ATF7IP2: variants seen among roughly 807,000 people sequenced by gnomAD.
The protein encoded by ATF7IP2 is activating transcription factor 7-interacting protein 2.
In ATF7IP2, 42 loss-of-function variants were observed where a neutral mutation model predicts 64.2. The observed-to-expected ratio is 0.65, with a 90% CI of 0.51 to 0.85. The LOEUF is 0.85. Ranked by LOEUF, ATF7IP2 falls within the 40% of genes least tolerant of loss-of-function variation. The pLI is 0.00. For missense variants in ATF7IP2, 933 were observed against 784.2 expected (o/e 1.19, Z -2.27); for synonymous variants, 308 against 272.8 (o/e 1.13, Z -1.27).
intron 7 of ATF7IP2, among the ~76,000 whole-genome samples, 184 bp downstream of exon 7, chr16:10,438,419 G>GTT (rs374050720): frequency 7.5e-4 from 102 of 135,648 alleles, no homozygotes; most frequent in Admixed American, 4.3e-3. Flanking sequence ...TAATTTTTGG[G>GTT]TTTTTTTTTT....
rs149926722 is a variant in ATF7IP2 at position 10,428,109 on chromosome 16, T to A, written c.-159-759T>A. On this transcript the variant is annotated intron_variant, in intron 3 of 13. Transcript: ENST00000562102. ...ATTTATGATGAAACTGTAGAAAAAG[T>A]AATAGAATTATAAACTAAGTTTAGG... 2.4e-3 allele frequency among the ~76,000 whole-genome samples: 373 copies of A among 152,304 alleles called. 3 individuals are homozygous for A. The highest frequency in any genetic ancestry group is 3.4e-3 in the Middle Eastern group (1 of 294).
chr16:10,392,495 A>C (rs28505938), intron 1 of ATF7IP2, among the ~76,000 whole-genome samples: 75,230 of 151,676 alleles, frequency 0.5, 19,303 homozygotes, highest in East Asian at 0.56. Flanking sequence ...CTTTACCACT[A>C]AGTTAACCCC....
intron 9 of ATF7IP2, among the ~76,000 whole-genome samples, chr16:10,467,383 A>G (rs926024544): frequency 5.3e-5 from 8 of 152,182 alleles, no homozygotes; most frequent in Non-Finnish European, 1.2e-4. Flanking sequence ...AGGATTTTGA[A>G]ATTGATAAAG....
chr16:10,387,008 G>A (rs2047216259), intron 1 of ATF7IP2: 2 of 152,134 alleles, frequency 1.3e-5, no homozygotes, highest in Admixed American at 1.3e-4. Flanking sequence ...CTTGCATATG[G>A]TTAATATGTA....
intron 12 of ATF7IP2, among the ~76,000 whole-genome samples, chr16:10,479,345 G>T (rs574713698): frequency 3.5e-4 from 53 of 151,996 alleles, no homozygotes; most frequent in Middle Eastern, 3.4e-3. Flanking sequence ...GTTCATGTCC[G>T]TTGTAGGGAC....
intron 12 of ATF7IP2, among the ~76,000 whole-genome samples, chr16:10,475,182 A>G (rs72779785): frequency 0.036 from 5,439 of 152,320 alleles, 132 homozygotes; most frequent in Non-Finnish European, 0.053. Flanking sequence ...TGTAGAATGT[A>G]TATAGAAGTC....
At chr16:10,394,749 C>T (rs1488566869) in intron 1 of ATF7IP2, among the ~76,000 whole-genome samples, 1 of 151,992 alleles carries the variant, frequency 6.6e-6, no homozygotes, top group Non-Finnish European at 1.5e-5. Context: ...AATTAACACT[C>T]CTAAATAATG....
chr16:10,408,414 A>G (rs1169467261), intron 1 of ATF7IP2, among the ~76,000 whole-genome samples: 2 of 152,202 alleles, frequency 1.3e-5, no homozygotes, highest in Non-Finnish European at 2.9e-5. Context: ...AGGAGTCGCC[A>G]CACTGTTTTC....
At chr16:10,392,136 C>G (rs1311893494) in intron 1 of ATF7IP2, among the ~76,000 whole-genome samples, 2 of 149,382 alleles carry the variant, frequency 1.3e-5, no homozygotes, top group Non-Finnish European at 3.0e-5. Flanking sequence ...TCACTGCAAC[C>G]CCCACCCCCC....
intron 9 of ATF7IP2, among the ~76,000 whole-genome samples, chr16:10,470,692 G>C (rs2049762003): frequency 6.6e-6 from 1 of 151,970 alleles, no homozygotes; most frequent in Non-Finnish European, 1.5e-5. Flanking sequence ...GCCGAGATGA[G>C]AGGATCTTTT....
At chr16:10,424,102 C>T (rs1157751158) in intron 3 of ATF7IP2, among the ~76,000 whole-genome samples, 1 of 152,244 alleles carries the variant, frequency 6.6e-6, no homozygotes, top group Non-Finnish European at 1.5e-5. Context: ...TTATCTGCAG[C>T]AGGAACATGT....
chr16:10,409,589 G>C (rs1369574584), intron 1 of ATF7IP2, among the ~76,000 whole-genome samples: 3 of 151,852 alleles, frequency 2.0e-5, no homozygotes, highest in Non-Finnish European at 4.4e-5. Flanking sequence ...ACCACGCCCA[G>C]CTAATTTTTT....
chr16:10,413,589 TTTTG>T (rs768630765), intron 1 of ATF7IP2, among the ~76,000 whole-genome samples: 66 of 152,306 alleles, frequency 4.3e-4, no homozygotes, highest in African/African-American at 1.4e-3. Flanking sequence ...TACCTTGGTT[TTTTG>T]TTTGTTTGTT....
intron 9 of ATF7IP2, among the ~76,000 whole-genome samples, chr16:10,460,826 A>C (rs1289145667): frequency 6.6e-6 from 1 of 152,202 alleles, no homozygotes; most frequent in African/African-American, 2.4e-5. Context: ...CCATAAAAGA[A>C]AAATTGATTA....
At chr16:10,417,427 G>T (rs1207692112) in intron 2 of ATF7IP2, among the ~76,000 whole-genome samples, 1 of 152,154 alleles carries the variant, frequency 6.6e-6, no homozygotes, top group Non-Finnish European at 1.5e-5. Context: ...AGCAGGAGCA[G>T]CTAGACATAT....
intron 4 of ATF7IP2, among the ~76,000 whole-genome samples, chr16:10,429,320 T>G (rs944232284): frequency 6.6e-6 from 1 of 152,172 alleles, no homozygotes; most frequent in Non-Finnish European, 1.5e-5. Context: ...TTGTGCTGTT[T>G]TTTGGATTTA....
Position 10,438,095 on chromosome 16 carries a change from T to A in ATF7IP2, c.961-6T>A, listed in dbSNP as rs2048482504. 1 of 1,534,352 alleles carries A rather than the reference T, an allele frequency of 6.5e-7. No individual in the cohort carries two copies. The highest frequency in any genetic ancestry group is 8.7e-7 in the Non-Finnish European group (1 of 1,147,274). On this transcript the variant is annotated splice_region_variant and splice_polypyrimidine_tract_variant and intron_variant, in intron 6 of 13. Transcript: ENST00000562102. Reference sequence around the variant, plus strand: ...GGGTGTTTTGGTTTTTATTTTAAAATTCTAGGTCAGACATTTGATTCAGCA... The same window carrying A: ...GGGTGTTTTGGTTTTTATTTTAAAAATCTAGGTCAGACATTTGATTCAGCA...
chr16:10,420,689 TAATC>T lies in ATF7IP2; in HGVS notation c.-160+1068_-160+1071del, dbSNP rs1381514184. 2.6e-5 allele frequency among the ~76,000 whole-genome samples: 4 copies of T among 152,274 alleles called. No individual in the cohort carries two copies. In the East Asian group the frequency reaches 5.8e-4, roughly 22 times the overall value. On this transcript the variant is annotated intron_variant, in intron 3 of 13. Coordinates refer to ENST00000562102, the MANE Select transcript of ATF7IP2 (RefSeq NM_001393719.1). ...TAACTGCTGTTTGCAATTGGGAAAA[TAATC>T]AGTTGTTCATCTGTGTGAAATCGTA...
Position 10,443,411 on chromosome 16 carries a change from C to T in ATF7IP2, c.1194+2949C>T, listed in dbSNP as rs199535810. On this transcript the variant is annotated intron_variant, in intron 8 of 13. Coordinates refer to ENST00000562102, the MANE Select transcript of ATF7IP2 (RefSeq NM_001393719.1). ...CAGGCTGTGGGGTGCTAGAAGAGAG[C>T]TACCATACAGTCCACACCCAGTCGA... Among the ~76,000 whole-genome samples the T allele has an allele frequency of 7.2e-5, 11 of 152,232 alleles. No homozygotes were observed. The East Asian group carries it at 1.7e-3, about 24-fold the overall frequency.
Sources: allele counts gnomAD v4.1 joint callset (sites outside exome capture counted in the v4.1 genomes callset), GRCh38; gene constraint gnomAD v4.1.1; transcripts MANE v1.5; gene names NCBI Gene and HGNC (gene_info 2026-07-23, HGNC 2026-07-21).